The following PRR16 variants were observed in gnomAD, a reference collection of about 807,000 sequenced individuals.
PRR16 encodes protein Largen.
A neutral mutation model predicts 18.2 loss-of-function variants in PRR16; 6 were observed. The ratio of observed to expected loss-of-function variants is 0.33; its 90% CI spans 0.18 to 0.65. PRR16 has a LOEUF of 0.65. Ranked by LOEUF, PRR16 falls within the 30% of genes least tolerant of loss-of-function variation. The pLI is 0.74. For missense variants in PRR16, 412 were observed against 376.6 expected, an observed-to-expected ratio of 1.09 and a Z score of -0.78; for synonymous variants, 151 against 147.8, an observed-to-expected ratio of 1.02 and a Z score of -0.16.
intron 1 of PRR16, among the ~76,000 whole-genome samples, chr5:120,679,701 C>A (rs921370000): frequency 1.3e-4 from 20 of 152,206 alleles, no homozygotes; most frequent in African/African-American, 4.8e-4. Flanking sequence ...CCGTTTGCCA[C>A]ACACGGATGG....
chr5:120,580,214 C>A (rs1490117372), intron 1 of PRR16, among the ~76,000 whole-genome samples: 2 of 152,042 alleles, frequency 1.3e-5, no homozygotes, highest in African/African-American at 4.8e-5. Context: ...TATTTGAATA[C>A]CCTTTATTTC....
chr5:120,703,331 C>T, the PRR16 span, among the ~76,000 whole-genome samples: 66,035 of 152,088 alleles, frequency 0.43, 14,914 homozygotes, highest in Middle Eastern at 0.49. Context: ...TTGTGATTCT[C>T]CAGTTACTTC....
intron 1 of PRR16, among the ~76,000 whole-genome samples, chr5:120,657,685 G>A (rs1756029863): frequency 6.6e-6 from 1 of 151,908 alleles, no homozygotes; most frequent in South Asian, 2.1e-4. Flanking sequence ...AAGGGAAAAG[G>A]AAGACCTTTA....
At chr5:120,599,765 C>A (rs780073859) in intron 1 of PRR16, among the ~76,000 whole-genome samples, 1 of 151,870 alleles carries the variant, frequency 6.6e-6, no homozygotes. Flanking sequence ...TCTAGCCCAG[C>A]GTCTTTCAGT....
chr5:120,493,336 T>G (rs1750130225), intron 1 of PRR16, among the ~76,000 whole-genome samples: 1 of 152,234 alleles, frequency 6.6e-6, no homozygotes, highest in African/African-American at 2.4e-5. Context: ...TTCATATGGT[T>G]GTTGGCTATT....
chr5:120,691,511 G>C (rs887311002), downstream of PRR16, among the ~76,000 whole-genome samples: 11 of 152,006 alleles, frequency 7.2e-5, no homozygotes, highest in Non-Finnish European at 1.6e-4. Flanking sequence ...TCCCTAAGAA[G>C]TTCTGATTCC....
At chr5:120,740,331 G>A in the PRR16 span, among the ~76,000 whole-genome samples, 1 of 152,120 alleles carries the variant, frequency 6.6e-6, no homozygotes. Context: ...ATATAGGCAA[G>A]TTTATCTACA....
the PRR16 span, among the ~76,000 whole-genome samples, chr5:120,766,008 A>C: frequency 6.6e-6 from 1 of 151,994 alleles, no homozygotes; most frequent in African/African-American, 2.4e-5. Flanking sequence ...TCCAGTGTTT[A>C]TAGGTATAGT....
chr5:120,759,861 T>A, the PRR16 span, among the ~76,000 whole-genome samples: 1 of 152,166 alleles, frequency 6.6e-6, no homozygotes, highest in Non-Finnish European at 1.5e-5. Flanking sequence ...CACTTGTTGT[T>A]AAAGTTGTTT....
chr5:120,490,702 C>T (rs539061118), intron 1 of PRR16, among the ~76,000 whole-genome samples: 4 of 152,314 alleles, frequency 2.6e-5, no homozygotes, highest in South Asian at 4.1e-4. Context: ...TGAGGAACTG[C>T]GTTCCTTTGG....
the PRR16 span, among the ~76,000 whole-genome samples, chr5:120,703,302 CAA>C: frequency 6.6e-6 from 1 of 152,168 alleles, no homozygotes; most frequent in African/African-American, 2.4e-5. Context: ...TAAGGTGGGG[CAA>C]AGTGTATTCA....
the PRR16 span, among the ~76,000 whole-genome samples, chr5:120,779,573 C>T: frequency 6.6e-6 from 1 of 151,834 alleles, no homozygotes; most frequent in Non-Finnish European, 1.5e-5. Flanking sequence ...TTTCTGTGTT[C>T]GTGCAAAATG....
At chr5:120,493,321 A>AT (rs1750129470) in intron 1 of PRR16, among the ~76,000 whole-genome samples, 1 of 151,956 alleles carries the variant, frequency 6.6e-6, no homozygotes, top group Non-Finnish European at 1.5e-5. Flanking sequence ...GATGTTGAAC[A>AT]TTTTTTCATA....
Position 120,614,912 on chromosome 5 carries a change from C to T in PRR16, c.160-71042C>T, listed in dbSNP as rs185687421. On this transcript the variant is annotated intron_variant, in intron 1 of 1. Coordinates refer to ENST00000407149, the MANE Select transcript of PRR16 (RefSeq NM_001300783.2). ...CAGCTTGCTCTGCTGCTGTATTGCCCGGAGAATATCTGACACTGAAGATTA... is the reference window on the plus strand; with the variant it reads ...CAGCTTGCTCTGCTGCTGTATTGCCTGGAGAATATCTGACACTGAAGATTA... 5.0e-4 allele frequency among the ~76,000 whole-genome samples: 76 copies of T among 152,198 alleles called. 1 individual carries two copies. The highest frequency in any genetic ancestry group is 6.8e-3 in the Middle Eastern group (2 of 294).
chr5:120,683,072 T>C (rs537857499), intron 1 of PRR16, among the ~76,000 whole-genome samples: 1 of 152,186 alleles, frequency 6.6e-6, no homozygotes, highest in East Asian at 1.9e-4. Context: ...ACAAGCAATT[T>C]TGAGGGCCTA....
chr5:120,605,950 A>C (rs549646315), intron 1 of PRR16, among the ~76,000 whole-genome samples: 2 of 152,166 alleles, frequency 1.3e-5, no homozygotes, highest in East Asian at 3.9e-4. Flanking sequence ...CAGCAAAAGC[A>C]CTCCAGCCAG....
At chr5:120,677,119 G>A (rs1029483175) in intron 1 of PRR16, among the ~76,000 whole-genome samples, 5 of 152,168 alleles carry the variant, frequency 3.3e-5, no homozygotes, top group African/African-American at 1.2e-4. Flanking sequence ...TGATCTAGCA[G>A]CAGAACACGA....
chr5:120,600,335 T>C (rs1019694320), intron 1 of PRR16, among the ~76,000 whole-genome samples: 5 of 151,890 alleles, frequency 3.3e-5, no homozygotes, highest in African/African-American at 1.2e-4. Flanking sequence ...TGATACAATA[T>C]GTATACCTTC....
At chr5:120,720,848 TC>T in the PRR16 span, among the ~76,000 whole-genome samples, 2 of 152,088 alleles carry the variant, frequency 1.3e-5, no homozygotes, top group Admixed American at 6.6e-5. Context: ...ACTGTAAGTG[TC>T]CTTTTTGGGG....
Sources: allele counts gnomAD v4.1 joint callset (sites outside exome capture counted in the v4.1 genomes callset), GRCh38; gene constraint gnomAD v4.1.1; transcripts MANE v1.5; gene names NCBI Gene and HGNC (gene_info 2026-07-23, HGNC 2026-07-21).